CMIP: variants seen among roughly 807,000 people sequenced by gnomAD.
CMIP encodes the protein c-Maf inducing protein.
Under a neutral mutation model 97.3 loss-of-function variants are expected in CMIP, and 13 were observed. That is an observed-to-expected ratio of 0.13 (90% CI 0.09 to 0.21). CMIP has a LOEUF of 0.21. CMIP is among the 10% of genes least tolerant of loss of function. The pLI is 1.00. For synonymous variants in CMIP, 538 were observed against 436.3 expected (o/e 1.23, Z -2.91); for missense variants, 847 against 1,024.9 (o/e 0.83, Z 2.37).
chr16:81,641,587 T>C (rs72829102), intron 3 of CMIP, among the ~76,000 whole-genome samples: 3,293 of 152,280 alleles, frequency 0.022, 66 homozygotes, highest in Non-Finnish European at 0.037. Flanking sequence ...AACCAGCCGA[T>C]GCCGCAGAGA....
chr16:81,508,176 T>C (rs1045296733), intron 1 of CMIP, among the ~76,000 whole-genome samples: 3 of 152,224 alleles, frequency 2.0e-5, no homozygotes, highest in Admixed American at 2.0e-4. Context: ...TTTGAATAGA[T>C]AGGACTTTCA....
Position 81,445,123 on chromosome 16 carries a change from A to AC in CMIP, c.-112dup, listed in dbSNP as rs1228120279. The AC allele has an allele frequency of 1.1e-4, 44 of 406,672 alleles. No individual in the cohort carries two copies. Among genetic ancestry groups the AC allele is most frequent in the Admixed American group, 4.1e-4 (8 of 19,478 alleles). The allele number at this position is 406,672 out of a possible 1,614,324, so 25.2% of individuals were successfully genotyped here. A position where few individuals can be genotyped will look rare whatever the true frequency, so the allele number is the denominator to read the frequency against. On this transcript the variant is annotated 5_prime_UTR_variant, in exon 1 of 21. Transcript: ENST00000537098. ...CCCCTGCGGGCGCCCCCAGCCCCAC[A>AC]CCCCCCCACCTTCCCGGGGGGTGGG...
At chr16:81,514,562 T>A (rs2089874535) in intron 1 of CMIP, among the ~76,000 whole-genome samples, 1 of 152,202 alleles carries the variant, frequency 6.6e-6, no homozygotes, top group African/African-American at 2.4e-5. Flanking sequence ...GACAGCCTAT[T>A]AATTAAGACT....
At chr16:81,490,842 C>T (rs929387277) in intron 1 of CMIP, among the ~76,000 whole-genome samples, 1 of 152,170 alleles carries the variant, frequency 6.6e-6, no homozygotes, top group East Asian at 1.9e-4. Flanking sequence ...AAGGAGGACA[C>T]GGAGGCATAG....
chr16:81,606,148 G>C (rs1036860266), intron 1 of CMIP, among the ~76,000 whole-genome samples: 2 of 152,226 alleles, frequency 1.3e-5, no homozygotes, highest in African/African-American at 4.8e-5. Context: ...TTGGAACACA[G>C]GATAGAGGTC....
chr16:81,609,789 A>G (rs997959638), intron 2 of CMIP, among the ~76,000 whole-genome samples: 1 of 152,104 alleles, frequency 6.6e-6, no homozygotes, highest in South Asian at 2.1e-4. Flanking sequence ...GGACCTGGGT[A>G]CTTGCTGCAG....
At chr16:81,701,607 C>T in intron 15 of CMIP, 53 bp from the exon 16 acceptor site, 1 of 1,612,354 alleles carries the variant, frequency 6.2e-7, no homozygotes, top group Non-Finnish European at 8.5e-7. Context: ...ACAGAGTGTG[C>T]TGAGCTAGGG....
chr16:81,445,627 G>C, intron 1 of CMIP, 86 bp downstream of exon 1: 4 of 1,416,094 alleles, frequency 2.8e-6, no homozygotes, highest in Non-Finnish European at 3.8e-6. Flanking sequence ...GCTGCACCTG[G>C]AGCCCAGGGC....
intron 7 of CMIP, among the ~76,000 whole-genome samples, chr16:81,669,669 ACACT>A (rs1388200848): frequency 1.4e-5 from 1 of 71,226 alleles, no homozygotes; most frequent in Non-Finnish European, 2.6e-5. Context: ...CACCCACCTC[ACACT>A]CACCTCCTTC....
At chr16:81,540,976 G>A (rs1408104679) in intron 1 of CMIP, among the ~76,000 whole-genome samples, 11 of 150,914 alleles carry the variant, frequency 7.3e-5, no homozygotes, top group African/African-American at 2.7e-4. Context: ...CACTGCACCC[G>A]GCCTTTTTTT....
intron 1 of CMIP, among the ~76,000 whole-genome samples, chr16:81,506,904 C>G (rs76971593): frequency 9.4e-6 from 1 of 105,936 alleles, no homozygotes; most frequent in South Asian, 2.8e-4. Context: ...GACTCCGTCT[C>G]AAAAAAAAAA....
chr16:81,687,722 G>T (rs1905566888), intron 10 of CMIP, among the ~76,000 whole-genome samples: 1 of 152,196 alleles, frequency 6.6e-6, no homozygotes, highest in Non-Finnish European at 1.5e-5. Flanking sequence ...TCTGTACTCA[G>T]ACTGAGACGC....
At chr16:81,670,350 C>A in intron 8 of CMIP, 105 bp downstream of exon 8, 1 of 1,227,562 alleles carries the variant, frequency 8.1e-7, no homozygotes, top group Non-Finnish European at 1.1e-6. Flanking sequence ...TAAATGAAGA[C>A]TCCCTCTATG....
intron 7 of CMIP, chr16:81,666,666 G>A (rs1174469980): frequency 1.3e-5 from 2 of 152,130 alleles, no homozygotes; most frequent in Non-Finnish European, 2.9e-5. Flanking sequence ...GTCTGGGGAT[G>A]CTTTAACGCA....
chr16:81,618,943 C>G (rs945937784), intron 2 of CMIP: 1 of 152,216 alleles, frequency 6.6e-6, no homozygotes, highest in Non-Finnish European at 1.5e-5. Context: ...GGAATTGTCA[C>G]AAGACCAGTA....
chr16:81,480,781 T>A (rs371659721), intron 1 of CMIP, among the ~76,000 whole-genome samples: 1 of 152,234 alleles, frequency 6.6e-6, no homozygotes, highest in South Asian at 2.1e-4. Flanking sequence ...GGGACTGTTA[T>A]GATGACATCA....
chr16:81,544,988 A>G (rs538371743), intron 1 of CMIP, among the ~76,000 whole-genome samples: 3 of 152,052 alleles, frequency 2.0e-5, no homozygotes, highest in Admixed American at 6.5e-5. Flanking sequence ...TTTCATTTTC[A>G]TCTCCTGCCA....
intron 1 of CMIP, among the ~76,000 whole-genome samples, chr16:81,472,402 C>T (rs1907614042): frequency 6.6e-6 from 1 of 152,232 alleles, no homozygotes; most frequent in African/African-American, 2.4e-5. Flanking sequence ...GGTGGCTCAT[C>T]TGGCCGCCCG....
At chr16:81,518,190 T>TA (rs2089952947) in intron 1 of CMIP, 1 of 152,260 alleles carries the variant, frequency 6.6e-6, no homozygotes, top group African/African-American at 2.4e-5. Flanking sequence ...CTGCATTTCC[T>TA]ATTTGGCTCT....
Sources: gnomAD v4.1 joint callset for allele counts (sites outside exome capture counted in the v4.1 genomes callset) on GRCh38, gnomAD v4.1.1 for gene constraint, MANE v1.5 for transcripts, NCBI Gene and HGNC (gene_info 2026-07-23, HGNC 2026-07-21) for gene names.